The following RCBTB1 variants were observed in gnomAD, a reference collection of about 807,000 sequenced individuals.
The protein encoded by RCBTB1 is RCC1 and BTB domain-containing protein 1.
A neutral mutation model predicts 62.4 loss-of-function variants in RCBTB1; 46 were observed. The observed-to-expected ratio is 0.74, with a 90% CI of 0.58 to 0.94. RCBTB1 has a LOEUF of 0.94. Among genes scored for constraint, RCBTB1 ranks in the 40% least tolerant of loss-of-function variants. The probability of loss-of-function intolerance (pLI) is 0.00; values close to 1 mark genes in which losing one functional copy is unlikely to be tolerated. For missense variants in RCBTB1, 565 were observed against 654.9 expected (o/e 0.86, Z 1.50); for synonymous variants, 222 against 245.8 (o/e 0.90, Z 0.91).
intron 1 of RCBTB1, among the ~76,000 whole-genome samples, chr13:49,582,041 C>T (rs894076323): frequency 2.0e-5 from 3 of 152,218 alleles, no homozygotes; most frequent in East Asian, 1.9e-4. Flanking sequence ...AGTTGCAGGA[C>T]GTTTTCTGTT....
At chr13:49,554,399 G>GC (rs1357585696) in intron 6 of RCBTB1, among the ~76,000 whole-genome samples, 1 of 152,044 alleles carries the variant, frequency 6.6e-6, no homozygotes, top group Admixed American at 6.5e-5. Context: ...ATATTCAACG[G>GC]CCATCCCAAG....
intron 7 of RCBTB1, 116 bp from the exon 8 acceptor site, chr13:49,551,584 C>A (rs188841642): frequency 2.7e-6 from 3 of 1,128,850 alleles, no homozygotes; most frequent in African/African-American, 1.6e-5. Flanking sequence ...CAGGGGTGGA[C>A]TGACATTTGC....
At chr13:49,541,570 CA>C in intron 11 of RCBTB1, 105 bp downstream of exon 11, 1 of 1,065,332 alleles carries the variant, frequency 9.4e-7, no homozygotes, top group Non-Finnish European at 1.3e-6. Context: ...TTTTAAGCAC[CA>C]AATTAAAGCC....
At chr13:49,542,880 A>G (rs1034528274) in intron 10 of RCBTB1, among the ~76,000 whole-genome samples, 1 of 152,246 alleles carries the variant, frequency 6.6e-6, no homozygotes, top group Non-Finnish European at 1.5e-5. Context: ...ATTTCTGAAT[A>G]TTGGATTTTC....
At chr13:49,569,300 G>A (rs781308353) in intron 2 of RCBTB1, among the ~76,000 whole-genome samples, 1 of 152,164 alleles carries the variant, frequency 6.6e-6, no homozygotes, top group Non-Finnish European at 1.5e-5. Flanking sequence ...AAGGCTGGGC[G>A]CAGTAGCTCA....
intron 1 of RCBTB1, among the ~76,000 whole-genome samples, chr13:49,581,940 A>G (rs1207848620): frequency 6.6e-6 from 1 of 152,284 alleles, no homozygotes; most frequent in African/African-American, 2.4e-5. Context: ...AAAGGTGAAG[A>G]AAAGGAAACC....
At chr13:49,565,598 T>G (rs1418114798) in intron 4 of RCBTB1, among the ~76,000 whole-genome samples, 1 of 132,276 alleles carries the variant, frequency 7.6e-6, no homozygotes, top group Non-Finnish European at 1.6e-5. Context: ...GCCCATCGTC[T>G]GGGATGTGAG....
At position 49,541,701 on chromosome 13, in the gene RCBTB1, G is replaced by A. The variant is rs1015598361; in HGVS notation, c.1299C>T (p.Val433=). Reference sequence around the variant, plus strand: ...CTATAGCATCTTCTGGCGGCAGGTCGACTGTGTCTGTGTAGAGGTACTGGA... The same window carrying A: ...CTATAGCATCTTCTGGCGGCAGGTCAACTGTGTCTGTGTAGAGGTACTGGA... ...AFLQYLYTDT[V]DLPPEDAIGL... is the part of the protein sequence containing the mutation. The change falls in exon 11 of 13, where the codon GTC becomes GTT. Residue 433 remains valine (V), a synonymous_variant. Transcript: ENST00000378302. The A allele has an allele frequency of 1.6e-5, 25 of 1,612,646 alleles. No homozygotes were observed. The highest frequency in any genetic ancestry group is 1.5e-4 in the African/African-American group (11 of 74,818).
At chr13:49,551,271 C>A in intron 8 of RCBTB1, 55 bp downstream of exon 8, 2 of 1,591,708 alleles carry the variant, frequency 1.3e-6, no homozygotes, top group Non-Finnish European at 1.7e-6. Flanking sequence ...CTGCCACACA[C>A]AGCCCCAAGG....
chr13:49,544,935 G>A, intron 9 of RCBTB1, 72 bp from the exon 10 acceptor site: 1 of 1,223,576 alleles, frequency 8.2e-7, no homozygotes, highest in African/African-American at 1.5e-5. Context: ...ACTTCAAAAA[G>A]ATCATCATGA....
At chr13:49,562,662 G>GA (rs1962535228) in intron 4 of RCBTB1, among the ~76,000 whole-genome samples, 1 of 151,844 alleles carries the variant, frequency 6.6e-6, no homozygotes, top group South Asian at 2.1e-4. Context: ...ACAAAGGCTG[G>GA]AGTGCAGTGG....
chr13:49,559,265 T>C (rs1785012386), intron 5 of RCBTB1, among the ~76,000 whole-genome samples: 1 of 152,334 alleles, frequency 6.6e-6, no homozygotes. Flanking sequence ...ACCTTGAGGA[T>C]ATTATGCTAA....
chr13:49,538,888 C>CTTT (rs386379142), intron 12 of RCBTB1, among the ~76,000 whole-genome samples: 1 of 78,914 alleles, frequency 1.3e-5, no homozygotes, highest in African/African-American at 3.3e-5. Flanking sequence ...TTTTTTTTAA[C>CTTT]TTTTTTTTTT....
At chr13:49,575,696 C>T (rs1255711716) in intron 2 of RCBTB1, among the ~76,000 whole-genome samples, 1 of 151,624 alleles carries the variant, frequency 6.6e-6, no homozygotes, top group Non-Finnish European at 1.5e-5. Context: ...ATAGGGTACA[C>T]GTGGATATAA....
At chr13:49,538,596 A>C (rs991499612) in intron 12 of RCBTB1, among the ~76,000 whole-genome samples, 1 of 152,082 alleles carries the variant, frequency 6.6e-6, no homozygotes, top group Non-Finnish European at 1.5e-5. Flanking sequence ...ACACATCCGT[A>C]GTCCCAGTTC....
chr13:49,564,665 G>A (rs1271599300), intron 4 of RCBTB1, among the ~76,000 whole-genome samples: 1 of 150,902 alleles, frequency 6.6e-6, no homozygotes, highest in Non-Finnish European at 1.5e-5. Context: ...GCTGAGGTGG[G>A]CGGATCACGA....
chr13:49,553,960 A>G (rs908381110), intron 6 of RCBTB1, among the ~76,000 whole-genome samples: 1 of 152,260 alleles, frequency 6.6e-6, no homozygotes, highest in African/African-American at 2.4e-5. Flanking sequence ...AACTCTGTCT[A>G]TAACAGCAAA....
At chr13:49,562,514 CAAAAAA>C (rs55875979) in intron 4 of RCBTB1, among the ~76,000 whole-genome samples, 1 of 115,334 alleles carries the variant, frequency 8.7e-6, no homozygotes, top group African/African-American at 3.1e-5. Context: ...GACCCTGTCT[CAAAAAA>C]AAAAAAAAAA....
At chr13:49,546,144 C>A in intron 9 of RCBTB1, 8 of 979,206 alleles carry the variant, frequency 8.2e-6, no homozygotes, top group Non-Finnish European at 7.3e-6. Flanking sequence ...CCCACCCATC[C>A]AAAAAAAAAC....
Sources: gnomAD v4.1 joint callset for allele counts (sites outside exome capture counted in the v4.1 genomes callset) on GRCh38, gnomAD v4.1.1 for gene constraint, MANE v1.5 for transcripts, NCBI Gene and HGNC (gene_info 2026-07-23, HGNC 2026-07-21) for gene names.